DLG1: variants seen among roughly 807,000 people sequenced by gnomAD.
The protein encoded by DLG1 is disks large homolog 1.
DLG1 carries 42 observed loss-of-function variants against 123.4 expected under a neutral mutation model. The ratio of observed to expected loss-of-function variants is 0.34; its 90% CI spans 0.27 to 0.44. The LOEUF (loss-of-function observed/expected upper bound fraction) is 0.44, where lower values mean the gene tolerates loss of function less well. Among genes scored for constraint, DLG1 ranks in the 20% least tolerant of loss-of-function variants. The pLI is 1.00. For synonymous variants in DLG1, 317 were observed against 356.2 expected, an observed-to-expected ratio of 0.89 and a Z score of 1.24; for missense variants, 942 against 1,082.6, an observed-to-expected ratio of 0.87 and a Z score of 1.82.
intron 18 of DLG1, chr3:197,070,861 C>T (rs556774033): frequency 1.3e-5 from 2 of 151,956 alleles, no homozygotes; most frequent in Admixed American, 6.6e-5. Flanking sequence ...TGTGAGCCAC[C>T]GCACCTGGCC....
intron 1 of DLG1, chr3:197,297,895 C>G (rs1471495144): frequency 1.0e-5 from 10 of 984,752 alleles, no homozygotes; most frequent in Non-Finnish European, 1.2e-5. Context: ...GTACCCCCGC[C>G]CCGCCCGGGG....
chr3:197,145,349 C>G (rs1351607820), intron 6 of DLG1, among the ~76,000 whole-genome samples: 1 of 152,096 alleles, frequency 6.6e-6, no homozygotes, highest in Non-Finnish European at 1.5e-5. Context: ...CATGGTATTA[C>G]TTTCTGTTTT....
At chr3:197,266,383 C>T (rs890886983) in intron 4 of DLG1, among the ~76,000 whole-genome samples, 2 of 149,502 alleles carry the variant, frequency 1.3e-5, no homozygotes, top group African/African-American at 4.9e-5. Context: ...GTTAATTAGA[C>T]AAAAATAAAA....
intron 4 of DLG1, among the ~76,000 whole-genome samples, chr3:197,272,955 G>C (rs900712673): frequency 3.3e-5 from 5 of 152,124 alleles, no homozygotes; most frequent in African/African-American, 7.2e-5. Context: ...GTACAATTCA[G>C]TGATTTTTGA....
intron 14 of DLG1, among the ~76,000 whole-genome samples, chr3:197,101,865 A>G (rs776643694): frequency 1.4e-4 from 22 of 152,134 alleles, no homozygotes; most frequent in Admixed American, 1.1e-3. Flanking sequence ...GATCATAGCA[A>G]TCCTGCCTTG....
chr3:197,283,170 T>C (rs1307525503), intron 3 of DLG1, among the ~76,000 whole-genome samples: 1 of 152,196 alleles, frequency 6.6e-6, no homozygotes, highest in Non-Finnish European at 1.5e-5. Flanking sequence ...CTGTGAATTG[T>C]TTCAAGGCTC....
intron 16 of DLG1, among the ~76,000 whole-genome samples, chr3:197,081,384 A>G (rs1016222806): frequency 2.6e-5 from 4 of 152,232 alleles, no homozygotes; most frequent in Non-Finnish European, 5.9e-5. Context: ...ACAAAATTAT[A>G]TGAAAGTATG....
At chr3:197,258,279 A>G (rs941978959) in intron 4 of DLG1, among the ~76,000 whole-genome samples, 1 of 152,242 alleles carries the variant, frequency 6.6e-6, no homozygotes, top group Non-Finnish European at 1.5e-5. Flanking sequence ...ACAGCCTTAA[A>G]TTAGTAAATG....
At position 197,193,337 on chromosome 3, in the gene DLG1, C is replaced by G. The variant is rs181879855; in HGVS notation, c.483+1088G>C. Among the ~76,000 whole-genome samples, 42 of 152,084 alleles carry G rather than the reference C, an allele frequency of 2.8e-4. No homozygotes were observed. In the East Asian group the frequency reaches 6.6e-3, roughly 24 times the overall value. On this transcript the variant is annotated intron_variant, in intron 5 of 24. Coordinates refer to ENST00000667157, the MANE Select transcript of DLG1 (RefSeq NM_001366207.1). ...TCACACTCAGATACCATTTTGAAAC[C>G]AAAACAATGCCAAAAATAAGAATAC...
intron 4 of DLG1, among the ~76,000 whole-genome samples, chr3:197,200,206 T>G (rs2150317288): frequency 6.6e-6 from 1 of 152,244 alleles, no homozygotes; most frequent in Admixed American, 6.5e-5. Flanking sequence ...GGCCAAAAAC[T>G]AAGTATTTAA....
chr3:197,095,519 G>C (rs1174084784), intron 14 of DLG1, among the ~76,000 whole-genome samples: 1 of 152,038 alleles, frequency 6.6e-6, no homozygotes, highest in East Asian at 1.9e-4. Context: ...CACACAATTA[G>C]ATTGAAGTTA....
chr3:197,112,357 G>T (rs145453314), intron 13 of DLG1, among the ~76,000 whole-genome samples: 5 of 152,084 alleles, frequency 3.3e-5, no homozygotes, highest in Admixed American at 3.3e-4. Context: ...CATTCACTGC[G>T]GTTTGTGCAC....
At chr3:197,133,879 A>G (rs1197431530) in intron 10 of DLG1, among the ~76,000 whole-genome samples, 1 of 152,192 alleles carries the variant, frequency 6.6e-6, no homozygotes, top group East Asian at 1.9e-4. Context: ...AGATAAGTCA[A>G]TTAAGATGAG....
chr3:197,288,379 A>AG (rs1207754623), intron 3 of DLG1, among the ~76,000 whole-genome samples: 4 of 149,640 alleles, frequency 2.7e-5, no homozygotes, highest in Non-Finnish European at 1.5e-5. Context: ...AAAAAAAAAA[A>AG]AAAGAAAAGA....
At chr3:197,072,550 C>T (rs1744616745) in intron 18 of DLG1, among the ~76,000 whole-genome samples, 1 of 152,036 alleles carries the variant, frequency 6.6e-6, no homozygotes, top group African/African-American at 2.4e-5. Flanking sequence ...TCTGAGCACT[C>T]TTGCCCAGTT....
chr3:197,227,114 T>C (rs967262445), intron 4 of DLG1, among the ~76,000 whole-genome samples: 1 of 152,234 alleles, frequency 6.6e-6, no homozygotes, highest in African/African-American at 2.4e-5. Flanking sequence ...TTATCTTTTC[T>C]TTCTTCCACT....
chr3:197,182,163 G>A (rs538783368), intron 5 of DLG1, among the ~76,000 whole-genome samples: 1 of 152,068 alleles, frequency 6.6e-6, no homozygotes, highest in South Asian at 2.1e-4. Context: ...AAAGATATCT[G>A]TCTTGTTGAC....
chr3:197,223,340 G>A (rs1455826554), intron 4 of DLG1, among the ~76,000 whole-genome samples: 1 of 152,098 alleles, frequency 6.6e-6, no homozygotes, highest in African/African-American at 2.4e-5. Flanking sequence ...GGACTTCCAA[G>A]ATTCTATAGT....
At chr3:197,236,346 C>A (rs147589589) in intron 4 of DLG1, among the ~76,000 whole-genome samples, 3 of 152,066 alleles carry the variant, frequency 2.0e-5, no homozygotes, top group South Asian at 4.2e-4. Context: ...AAAAATACTT[C>A]TTTCAAGTAA....
Sources: gnomAD v4.1 joint callset for allele counts (sites outside exome capture counted in the v4.1 genomes callset) on GRCh38, gnomAD v4.1.1 for gene constraint, MANE v1.5 for transcripts, NCBI Gene and HGNC (gene_info 2026-07-23, HGNC 2026-07-21) for gene names.